UNC13C: variants seen among roughly 807,000 people sequenced by gnomAD.
UNC13C encodes the protein unc-13 homolog C, also known as protein unc-13 homolog C.
In UNC13C, 174 loss-of-function variants were observed where a neutral mutation model predicts 245.4. The ratio of observed to expected loss-of-function variants is 0.71; its 90% confidence interval spans 0.63 to 0.80. The LOEUF is 0.80. UNC13C is among the 30% of genes least tolerant of loss of function. UNC13C has a pLI of 0.00. For missense variants in UNC13C, 2,829 were observed against 2,602.9 expected (o/e 1.09, Z -1.89); for synonymous variants, 992 against 895.1 (o/e 1.11, Z -1.93).
intron 25 of UNC13C, among the ~76,000 whole-genome samples, chr15:54,527,793 A>G (rs926118110): frequency 1.3e-5 from 2 of 152,192 alleles, no homozygotes; most frequent in African/African-American, 4.8e-5. Flanking sequence ...GTTTATTAGG[A>G]CTATTGGAAT....
chr15:54,060,654 A>G (rs1224900561), intron 2 of UNC13C, among the ~76,000 whole-genome samples: 1 of 152,034 alleles, frequency 6.6e-6, no homozygotes, highest in African/African-American at 2.4e-5. Flanking sequence ...TGCTGCTATA[A>G]AGACACATGC....
intron 2 of UNC13C, among the ~76,000 whole-genome samples, chr15:54,114,949 G>A (rs976488548): frequency 6.6e-6 from 1 of 151,882 alleles, no homozygotes; most frequent in Non-Finnish European, 1.5e-5. Context: ...CTTTTCCTTT[G>A]TTTTTAATTC....
At chr15:54,197,597 G>A (rs2034397438) in intron 4 of UNC13C, among the ~76,000 whole-genome samples, 1 of 152,278 alleles carries the variant, frequency 6.6e-6, no homozygotes, top group Non-Finnish European at 1.5e-5. Flanking sequence ...AGTTGTGGAT[G>A]CAAACTTTTT....
rs1596191167 is a variant in UNC13C at position 54,308,875 on chromosome 15, A to G, written c.4268+8502A>G. ...TTATGGCTGAATACTATTCCATTGT[A>G]TGTATATACATTTTCTTTATCCATT... On this transcript the variant is annotated intron_variant, in intron 13 of 32. Transcript: ENST00000260323. Among the ~76,000 whole-genome samples the G allele has an allele frequency of 2.6e-5, 4 of 151,726 alleles. No homozygotes were observed. The East Asian group carries it at 7.8e-4, about 29-fold the overall frequency.
In UNC13C at chr15:54,494,737, A is replaced by G; in HGVS notation, c.5060+3A>G. ...GATGCTGTTCCTGAATACTCCTTGT[A>G]AGTAGTGATTTTAACACACACACCC... On this transcript the variant is annotated splice_donor_region_variant and intron_variant, in intron 20 of 32. Transcript: ENST00000260323. 6.2e-7 allele frequency: 1 copy of G among 1,610,144 alleles called. No individual in the cohort carries two copies. Among genetic ancestry groups the G allele is most frequent in the Non-Finnish European group, 8.5e-7 (1 of 1,178,182 alleles).
At chr15:54,033,569 G>C (rs959038261) in intron 2 of UNC13C, among the ~76,000 whole-genome samples, 1 of 152,122 alleles carries the variant, frequency 6.6e-6, no homozygotes, top group African/African-American at 2.4e-5. Context: ...TTCTGATTCA[G>C]TGGGCCCCAA....
chr15:53,874,726 T>C, the UNC13C span, among the ~76,000 whole-genome samples: 15 of 152,238 alleles, frequency 9.9e-5, no homozygotes, highest in Non-Finnish European at 2.2e-4. Flanking sequence ...TTGAAACTTA[T>C]ACCAGGTACT....
At chr15:54,283,919 A>G (rs781225209) in intron 10 of UNC13C, among the ~76,000 whole-genome samples, 2 of 152,226 alleles carry the variant, frequency 1.3e-5, no homozygotes, top group Non-Finnish European at 2.9e-5. Context: ...CATGTCTAAT[A>G]CATATTGACC....
chr15:54,051,985 C>T (rs1418669579), intron 2 of UNC13C, among the ~76,000 whole-genome samples: 1 of 130,158 alleles, frequency 7.7e-6, no homozygotes, highest in Non-Finnish European at 1.6e-5. Flanking sequence ...TTGTTCAATT[C>T]CCACCTATGA....
At chr15:54,458,503 T>G (rs554999700) in intron 19 of UNC13C, among the ~76,000 whole-genome samples, 1 of 152,098 alleles carries the variant, frequency 6.6e-6, no homozygotes, top group South Asian at 2.1e-4. Context: ...AATCTCCTAC[T>G]TTTATTTTGT....
At chr15:54,182,856 T>G (rs1328457045) in intron 4 of UNC13C, among the ~76,000 whole-genome samples, 1 of 151,994 alleles carries the variant, frequency 6.6e-6, no homozygotes, top group African/African-American at 2.4e-5. Flanking sequence ...GAATATTGAT[T>G]GTTAAAAAGA....
intron 2 of UNC13C, among the ~76,000 whole-genome samples, chr15:54,081,958 A>G (rs866567605): frequency 6.6e-6 from 1 of 151,866 alleles, no homozygotes; most frequent in African/African-American, 2.4e-5. Flanking sequence ...TCCTTTGATC[A>G]TTTCTTATAG....
intron 4 of UNC13C, among the ~76,000 whole-genome samples, chr15:54,192,888 T>C (rs2034233394): frequency 6.7e-6 from 1 of 149,066 alleles, no homozygotes; most frequent in African/African-American, 2.4e-5. Context: ...TTTCTTTCTC[T>C]TTCTCTGTGC....
chr15:54,054,431 T>C (rs1361364434), intron 2 of UNC13C, among the ~76,000 whole-genome samples: 1 of 152,210 alleles, frequency 6.6e-6, no homozygotes, highest in Non-Finnish European at 1.5e-5. Context: ...CGTTAAATTG[T>C]CACAGGATGA....
intron 26 of UNC13C, among the ~76,000 whole-genome samples, chr15:54,533,439 G>A (rs1299354828): frequency 6.6e-6 from 1 of 152,198 alleles, no homozygotes; most frequent in Non-Finnish European, 1.5e-5. Flanking sequence ...CTGATTTCAT[G>A]TCAGAAACCT....
chr15:54,363,340 C>T (rs1482923003), intron 17 of UNC13C, among the ~76,000 whole-genome samples: 1 of 152,174 alleles, frequency 6.6e-6, no homozygotes, highest in Admixed American at 6.5e-5. Flanking sequence ...AACTCCTGAC[C>T]TCAGGTGATC....
rs1327246747 is a variant in UNC13C at position 54,013,588 on chromosome 15, G to C, written c.685G>C (p.Gly229Arg). The change falls in exon 2 of 33, where the codon GGG becomes CGG. Residue 229 changes from glycine to arginine, a missense_variant. Physicochemically the swap from Gly to Arg is moderately radical, Grantham distance 125. Transcript: ENST00000260323. ...CCCAAAGACAAATGCCCTGGAGCCA[G>C]GGTTCAGTTCCTCTGGCTGCATTAG... ...RNPKTNALEP[G>R]FSSSGCISQT... is the part of the protein sequence containing the mutation. 1 of 1,613,622 alleles carries C rather than the reference G, an allele frequency of 6.2e-7. No individual in the cohort carries two copies. Among genetic ancestry groups the C allele is most frequent in the Non-Finnish European group, 8.5e-7 (1 of 1,179,726 alleles).
chr15:54,252,149 T>G (rs2036167944), intron 8 of UNC13C, among the ~76,000 whole-genome samples: 2 of 152,152 alleles, frequency 1.3e-5, no homozygotes, highest in African/African-American at 2.4e-5. Context: ...CAATGACATT[T>G]AAGAAAATAG....
rs56247031 is a variant in UNC13C, at chr15:54,448,222, G to A, written c.4933+33155G>A. On this transcript the variant is annotated intron_variant, in intron 19 of 32. Coordinates refer to ENST00000260323, the MANE Select transcript of UNC13C (RefSeq NM_001080534.3). ...TGTGGTCAGTTTTGGAATAAGTGCGGTGTGGTGCTGAGAAGAATGTATATT... is the reference window on the plus strand; with the variant it reads ...TGTGGTCAGTTTTGGAATAAGTGCGATGTGGTGCTGAGAAGAATGTATATT... Among the ~76,000 whole-genome samples the A allele has an allele frequency of 5.1e-3, 783 of 152,230 alleles. 9 individuals carry two copies. Among genetic ancestry groups the A allele is most frequent in the African/African-American group, 0.018 (750 of 41,546 alleles).
Sources: allele counts gnomAD v4.1 joint callset (sites outside exome capture counted in the v4.1 genomes callset), GRCh38; gene constraint gnomAD v4.1.1; transcripts MANE v1.5; gene names NCBI Gene and HGNC (gene_info 2026-07-23, HGNC 2026-07-21).